Variants in OGDHL observed in about 807,000 individuals in gnomAD.
The protein encoded by OGDHL is 2-oxoglutarate dehydrogenase-like, mitochondrial.
OGDHL carries 79 observed loss-of-function variants against 109.6 expected under a neutral mutation model. The observed-to-expected ratio is 0.72, with a 90% CI of 0.60 to 0.87. The LOEUF is 0.87. Ranked by LOEUF, OGDHL falls within the 40% of genes least tolerant of loss-of-function variation. The pLI is 0.00. For synonymous variants in OGDHL, 528 were observed against 537.2 expected, an observed-to-expected ratio of 0.98 and a Z score of 0.24; for missense variants, 1,275 against 1,362.2, an observed-to-expected ratio of 0.94 and a Z score of 1.01.
chr10:49,759,567 T>A (rs1210220575), intron 1 of OGDHL, among the ~76,000 whole-genome samples: 1 of 152,136 alleles, frequency 6.6e-6, no homozygotes, highest in East Asian at 1.9e-4. Flanking sequence ...GATATCCCTA[T>A]CCAGGCAGGT....
chr10:49,745,657 A>G (rs957760846), intron 11 of OGDHL, 141 bp downstream of exon 11: 5 of 1,300,708 alleles, frequency 3.8e-6, no homozygotes, highest in Non-Finnish European at 5.3e-6. Context: ...AGGCCTTTGC[A>G]CAGATTGCTC....
chr10:49,735,360 G>A lies in OGDHL; in HGVS notation c.2910-9C>T, dbSNP rs767560766. 2 of 1,611,692 alleles carry A rather than the reference G, an allele frequency of 1.2e-6. No homozygotes were observed. Among genetic ancestry groups the A allele is most frequent in the Admixed American group, 3.3e-5 (2 of 59,896 alleles). ...GGTCCCGGCCAACATACCTGGAGGA[G>A]GAGAGACAAGCTAAGGGGAAGGCGG... On this transcript the variant is annotated splice_polypyrimidine_tract_variant and intron_variant, in intron 22 of 22. Transcript: ENST00000374103.
chr10:49,740,089 G>A (rs148509912), intron 16 of OGDHL, among the ~76,000 whole-genome samples: 100 of 152,232 alleles, frequency 6.6e-4, no homozygotes, highest in African/African-American at 2.3e-3. Flanking sequence ...TAGGTATCCT[G>A]GGGAGGCAAC....
chr10:49,761,173 G>T (rs544864230), intron 1 of OGDHL, among the ~76,000 whole-genome samples: 6 of 152,222 alleles, frequency 3.9e-5, no homozygotes, highest in Admixed American at 2.0e-4. Flanking sequence ...AGAGTCAGGT[G>T]CCCTGTGCAA....
chr10:49,735,106 G>T lies in OGDHL; in HGVS notation c.*122C>A. The T allele has an allele frequency of 8.0e-7, 1 of 1,245,592 alleles. No individual in the cohort carries two copies. The highest frequency in any genetic ancestry group is 1.1e-6 in the Non-Finnish European group (1 of 894,220). The allele number at this position is 1,245,592 out of a possible 1,614,324, so 77.2% of individuals were successfully genotyped here. The stretch of plus-strand genomic sequence containing the variant: ...TGCTGGCTCTTGGCCCTGTCACTGT[G>T]TCTGTTTTATCCTGGGGCCCCACAG... On this transcript the variant is annotated 3_prime_UTR_variant, in exon 23 of 23. Coordinates refer to ENST00000374103, the MANE Select transcript of OGDHL (RefSeq NM_018245.3).
intron 3 of OGDHL, among the ~76,000 whole-genome samples, chr10:49,756,013 T>C (rs1282076219): frequency 6.6e-6 from 1 of 152,164 alleles, no homozygotes; most frequent in Non-Finnish European, 1.5e-5. Context: ...CATCCCCAGG[T>C]GGGTGGTGTA....
chr10:49,744,189 C>A, intron 13 of OGDHL, 67 bp from the exon 14 acceptor site: 1 of 1,578,568 alleles, frequency 6.3e-7, no homozygotes, highest in Non-Finnish European at 8.6e-7. Flanking sequence ...GGCCAGCCTG[C>A]CTCCCCAGGA....
chr10:49,740,699 C>A lies in OGDHL; in HGVS notation c.2140+11G>T, dbSNP rs368234947. ...GGGGCCTGCCTGGCCTGCAGGAGAGCGTGGACCCACCCAGGACTCCGTACT... is the reference window on the plus strand; with the variant it reads ...GGGGCCTGCCTGGCCTGCAGGAGAGAGTGGACCCACCCAGGACTCCGTACT... On this transcript the variant is annotated intron_variant, in intron 16 of 22. Coordinates refer to ENST00000374103, the MANE Select transcript of OGDHL (RefSeq NM_018245.3). The A allele has an allele frequency of 6.2e-7, 1 of 1,611,546 alleles. No individual in the cohort carries two copies. Among genetic ancestry groups the A allele is most frequent in the Non-Finnish European group, 8.5e-7 (1 of 1,178,476 alleles).
chr10:49,749,785 G>T lies in OGDHL; in HGVS notation c.928C>A (p.Arg310Ser). The T allele has an allele frequency of 6.2e-7, 1 of 1,600,668 alleles. No individual in the cohort carries two copies. The highest frequency in any genetic ancestry group is 2.2e-5 in the East Asian group (1 of 44,552). The change falls in exon 8 of 23, where the codon CGC becomes AGC. Residue 310 changes from arginine (R) to serine (S), a missense_variant. Physicochemically the swap from Arg to Ser is moderately radical, Grantham distance 110. Transcript: ENST00000374103. ...CAGAAGATCTGCTCCAGGTCCTTGC[G>T]GATCACGTTGGCCAGCACGTTCAGC... ...GRLNVLANVI[R>S]KDLEQIFCQF...
chr10:49,753,243 T>C (rs892964167), intron 3 of OGDHL, among the ~76,000 whole-genome samples: 36 of 152,222 alleles, frequency 2.4e-4, no homozygotes, highest in African/African-American at 8.2e-4. Context: ...CAAATAAATA[T>C]ATGCATTAGA....
chr10:49,737,909 C>G, intron 19 of OGDHL, 38 bp downstream of exon 19: 2 of 1,614,064 alleles, frequency 1.2e-6, no homozygotes, highest in Non-Finnish European at 1.7e-6. Context: ...CTGGCCAGGC[C>G]CCCTGCCTGT....
At position 49,736,008 on chromosome 10, in the gene OGDHL, G is replaced by A. The variant is rs760726197; in HGVS notation, c.2909+15C>T. The A allele has an allele frequency of 2.5e-5, 39 of 1,545,096 alleles. 2 individuals are homozygous for A. The highest frequency in any genetic ancestry group is 1.8e-4 in the Middle Eastern group (1 of 5,638). On this transcript the variant is annotated intron_variant, in intron 22 of 22. Coordinates refer to ENST00000374103, the MANE Select transcript of OGDHL (RefSeq NM_018245.3). Reference sequence around the variant, plus strand: ...AGGGCCGAGGTGAGGGGCAATCAGCGGCCCCACCATGTACCATATGGGCCG... The same window carrying A: ...AGGGCCGAGGTGAGGGGCAATCAGCAGCCCCACCATGTACCATATGGGCCG...
At chr10:49,754,072 G>A (rs116570516) in intron 3 of OGDHL, among the ~76,000 whole-genome samples, 184 of 152,238 alleles carry the variant, frequency 1.2e-3, no homozygotes, top group African/African-American at 4.2e-3. Flanking sequence ...TTTGTAGCAC[G>A]TTAGAAGCAT....
At chr10:49,741,325 C>G (rs367947992) in intron 15 of OGDHL, among the ~76,000 whole-genome samples, 1 of 152,044 alleles carries the variant, frequency 6.6e-6, no homozygotes, top group African/African-American at 2.4e-5. Flanking sequence ...AAGTGAGGGG[C>G]GCCTGGCTGA....
Position 49,749,834 on chromosome 10 carries a change from G to T in OGDHL, c.897-18C>A. The T allele has an allele frequency of 6.4e-7, 1 of 1,574,782 alleles. No individual in the cohort carries two copies. The highest frequency in any genetic ancestry group is 2.3e-5 in the East Asian group (1 of 43,424). On this transcript the variant is annotated intron_variant, in intron 7 of 22. Coordinates refer to ENST00000374103, the MANE Select transcript of OGDHL (RefSeq NM_018245.3). ...GCCTTCCCCTGGAGCCAGAGGGGCC[G>T]GGCTCTCACCTGGCAAAGCCCGCAG...
At chr10:49,743,297 T>TA (rs1428264349) in intron 14 of OGDHL, among the ~76,000 whole-genome samples, 2 of 152,182 alleles carry the variant, frequency 1.3e-5, no homozygotes, top group African/African-American at 4.8e-5. Flanking sequence ...TCCCCAGGCT[T>TA]ATGCTGTGCT....
At chr10:49,736,617 G>C (rs1841214368) in intron 20 of OGDHL, 97 bp from the exon 21 acceptor site, 3 of 1,328,890 alleles carry the variant, frequency 2.3e-6, no homozygotes, top group African/African-American at 2.9e-5. Context: ...CTTAGCCACT[G>C]ACACTAACTG....
chr10:49,758,805 A>C (rs750517316), intron 1 of OGDHL: 4 of 601,436 alleles, frequency 6.7e-6, no homozygotes, highest in Non-Finnish European at 1.2e-5. Context: ...CTATCAATAG[A>C]TATCAAACAG....
intron 14 of OGDHL, among the ~76,000 whole-genome samples, chr10:49,743,329 G>C (rs1421638990): frequency 6.6e-6 from 1 of 152,172 alleles, no homozygotes; most frequent in Admixed American, 6.5e-5. Flanking sequence ...CACACACAGA[G>C]GCTAACACAC....
Sources: allele counts gnomAD v4.1 joint callset (sites outside exome capture counted in the v4.1 genomes callset), GRCh38; gene constraint gnomAD v4.1.1; transcripts MANE v1.5; gene names NCBI Gene and HGNC (gene_info 2026-07-23, HGNC 2026-07-21).